CFAP46: variants seen among roughly 807,000 people sequenced by gnomAD.
CFAP46 encodes the protein cilia- and flagella-associated protein 46.
CFAP46 carries 245 observed loss-of-function variants against 325.7 expected under a neutral mutation model. The ratio of observed to expected loss-of-function variants is 0.75; its 90% CI spans 0.68 to 0.84. CFAP46 has a LOEUF of 0.84. Ranked by LOEUF, CFAP46 falls within the 40% of genes least tolerant of loss-of-function variation. The pLI is 0.00. For missense variants in CFAP46, 3,346 were observed against 3,543.0 expected, an observed-to-expected ratio of 0.94 and a Z score of 1.41; for synonymous variants, 1,523 against 1,495.9, an observed-to-expected ratio of 1.02 and a Z score of -0.42.
chr10:132,911,777 C>T (rs1196433459), intron 19 of CFAP46, among the ~76,000 whole-genome samples: 2 of 152,188 alleles, frequency 1.3e-5, no homozygotes, highest in African/African-American at 2.4e-5. Context: ...TTTACTGGGA[C>T]GGCTGCATGT....
rs886175823 is a variant in CFAP46, at chr10:132,876,496, G to A, written c.4362+316C>T. ...CCAGGGACACTGATTTTCGGCTTCCGGCCTCCAGAACCATGAGGGGATCAA... is the reference window on the plus strand; with the variant it reads ...CCAGGGACACTGATTTTCGGCTTCCAGCCTCCAGAACCATGAGGGGATCAA... On this transcript the variant is annotated intron_variant, in intron 31 of 57. Transcript: ENST00000368586. This position sits in a 1 kb window ranked among gnomAD's most constrained non-coding sequence, Gnocchi z 4.1. Among the ~76,000 whole-genome samples the A allele has an allele frequency of 3.3e-5, 5 of 152,192 alleles. No homozygotes were observed. Among genetic ancestry groups the A allele is most frequent in the Admixed American group, 2.0e-4 (3 of 15,282 alleles).
At chr10:132,866,788 C>T (rs1195062433) in intron 34 of CFAP46, among the ~76,000 whole-genome samples, 1 of 152,230 alleles carries the variant, frequency 6.6e-6, no homozygotes, top group African/African-American at 2.4e-5. Context: ...CATGGTGCTC[C>T]CACGGTAACT....
At chr10:132,835,488 T>G in intron 46 of CFAP46, 54 bp from the exon 47 acceptor site, 1 of 1,607,030 alleles carries the variant, frequency 6.2e-7, no homozygotes, top group Non-Finnish European at 8.5e-7. Flanking sequence ...GGATGGCAGC[T>G]GGACCGTGCA....
chr10:132,819,234 T>C (rs1449065673), intron 50 of CFAP46, among the ~76,000 whole-genome samples: 1 of 152,168 alleles, frequency 6.6e-6, no homozygotes, highest in Admixed American at 6.5e-5. Context: ...TGTAAGACAC[T>C]GAGGAAACAA....
At chr10:132,821,429 G>A (rs1847822378) in intron 50 of CFAP46, among the ~76,000 whole-genome samples, 1 of 143,370 alleles carries the variant, frequency 7.0e-6, no homozygotes, top group Non-Finnish European at 1.5e-5. Context: ...GCGCTGATGT[G>A]TGCTGTGTGA....
chr10:132,849,334 C>T (rs924736600), intron 41 of CFAP46, among the ~76,000 whole-genome samples: 1 of 152,242 alleles, frequency 6.6e-6, no homozygotes, highest in Non-Finnish European at 1.5e-5. Flanking sequence ...CCTGAAGACG[C>T]AGGACAGACA....
intron 50 of CFAP46, among the ~76,000 whole-genome samples, chr10:132,821,307 T>C (rs1591032749): frequency 7.6e-6 from 1 of 131,906 alleles, no homozygotes; most frequent in South Asian, 2.6e-4. Context: ...GTGTGCTGTG[T>C]GTTGTGTGTG....
At position 132,908,491 on chromosome 10, in the gene CFAP46, G is replaced by A; in HGVS notation, c.2901C>T (p.Ile967=). The change falls in exon 22 of 58, where the codon ATC becomes ATT. Residue 967 remains isoleucine (I), a synonymous_variant. Coordinates refer to ENST00000368586, the MANE Select transcript of CFAP46 (RefSeq NM_001200049.3). The part of the protein sequence containing the change: ...ACAHRALEMG[I]KYLKKFGPEE... ...ACGGCCCAAATTTCTTCAGGTACTT[G>A]ATGCCCATCTCCAGAGCCCTGTGAG... 2 of 1,550,540 alleles carry A rather than the reference G, an allele frequency of 1.3e-6. No individual in the cohort carries two copies. Among genetic ancestry groups the A allele is most frequent in the Non-Finnish European group, 1.7e-6 (2 of 1,146,992 alleles).
chr10:132,822,920 GA>G, intron 50 of CFAP46, among the ~76,000 whole-genome samples: 1 of 135,820 alleles, frequency 7.4e-6, no homozygotes, highest in African/African-American at 2.8e-5. Context: ...TGTGAGTGCT[GA>G]TGTGTGCTGA....
chr10:132,940,072 C>A (rs746374290), intron 4 of CFAP46, among the ~76,000 whole-genome samples: 21 of 152,096 alleles, frequency 1.4e-4, no homozygotes, highest in Non-Finnish European at 2.8e-4. Flanking sequence ...TGGAAATACC[C>A]CTTGTCTTTA....
intron 54 of CFAP46, among the ~76,000 whole-genome samples, chr10:132,813,814 C>A (rs1847634460): frequency 6.6e-6 from 1 of 152,230 alleles, no homozygotes; most frequent in Non-Finnish European, 1.5e-5. Context: ...CTGGACACCT[C>A]TGGACCACGG....
Position 132,939,858 on chromosome 10 carries a change from C to T in CFAP46, c.372-1105G>A, listed in dbSNP as rs1318900557. Among the ~76,000 whole-genome samples, 1 of 152,182 alleles carries T rather than the reference C, an allele frequency of 6.6e-6. No individual in the cohort carries two copies. The highest frequency in any genetic ancestry group is 2.4e-5 in the African/African-American group (1 of 41,446). On this transcript the variant is annotated intron_variant, in intron 4 of 57. Coordinates refer to ENST00000368586, the MANE Select transcript of CFAP46 (RefSeq NM_001200049.3). This position sits in a 1 kb window ranked among gnomAD's most constrained non-coding sequence, Gnocchi z 4.6. ...TGGCCTCCACATGCCCGTGGTTGGGCTCACAGTCTCCTGTCCCACTGACAC... is the reference window on the plus strand; with the variant it reads ...TGGCCTCCACATGCCCGTGGTTGGGTTCACAGTCTCCTGTCCCACTGACAC...
chr10:132,815,211 G>A (rs986141136), intron 50 of CFAP46, among the ~76,000 whole-genome samples: 9 of 152,156 alleles, frequency 5.9e-5, no homozygotes, highest in South Asian at 4.1e-4. Flanking sequence ...TGCCATGCCC[G>A]GGCCCCTCAC....
intron 54 of CFAP46, 55 bp from the exon 55 acceptor site, chr10:132,812,952 C>T: frequency 7.2e-7 from 1 of 1,380,070 alleles, no homozygotes; most frequent in Non-Finnish European, 1.0e-6. Context: ...TACCAGACCC[C>T]ACCGTGCGTT....
At chr10:132,935,156 A>G (rs1235363960) in intron 7 of CFAP46, among the ~76,000 whole-genome samples, 1 of 151,794 alleles carries the variant, frequency 6.6e-6, no homozygotes, top group African/African-American at 2.4e-5. Context: ...AATGTGGGGC[A>G]CTCTCTCTGC....
intron 29 of CFAP46, 56 bp downstream of exon 29, chr10:132,879,370 C>A (rs1418319016): frequency 2.1e-6 from 3 of 1,431,630 alleles, no homozygotes; most frequent in African/African-American, 1.4e-5. Context: ...TTTCCCCAGC[C>A]CGCGGCCCGT....
Position 132,869,693 on chromosome 10 carries a change from G to A in CFAP46, c.4512-321C>T, listed in dbSNP as rs985812815. ...CCACCACAATAAGCAGAGAAGCCTC[G>A]ACTCCTGTTGAAAACCCTATTCTTG... On this transcript the variant is annotated intron_variant, in intron 32 of 57. Coordinates refer to ENST00000368586, the MANE Select transcript of CFAP46 (RefSeq NM_001200049.3). This position sits in a 1 kb window ranked among gnomAD's most constrained non-coding sequence, Gnocchi z 6.2. Among the ~76,000 whole-genome samples, 1 of 152,074 alleles carries A rather than the reference G, an allele frequency of 6.6e-6. No homozygotes were observed. Among genetic ancestry groups the A allele is most frequent in the Non-Finnish European group, 1.5e-5 (1 of 68,010 alleles).
chr10:132,886,982 TTC>T lies in CFAP46; in HGVS notation c.3305-1025_3305-1024del, dbSNP rs1849141446. Among the ~76,000 whole-genome samples the T allele has an allele frequency of 6.6e-6, 1 of 152,056 alleles. No individual in the cohort carries two copies. Among genetic ancestry groups the T allele is most frequent in the South Asian group, 2.1e-4 (1 of 4,826 alleles). ...TTCAGAGGTCAGTGAAGGATCTGTC[TTC>T]TCTCTTTTCTCTTCTCTCTCTCTCG... On this transcript the variant is annotated intron_variant, in intron 25 of 57. Transcript: ENST00000368586. This position sits in a 1 kb window ranked among gnomAD's most constrained non-coding sequence, Gnocchi z 5.8.
intron 32 of CFAP46, among the ~76,000 whole-genome samples, chr10:132,870,520 A>G (rs755027313): frequency 2.6e-5 from 4 of 152,210 alleles, no homozygotes; most frequent in South Asian, 2.1e-4. Context: ...TACAGGGAAC[A>G]TATGAATACA....
Sources: allele counts gnomAD v4.1 joint callset (sites outside exome capture counted in the v4.1 genomes callset), GRCh38; gene constraint gnomAD v4.1.1; non-coding constraint Gnocchi (gnomAD v3.1); transcripts MANE v1.5; gene names NCBI Gene and HGNC (gene_info 2026-07-23, HGNC 2026-07-21).